CNTLN: variants seen among roughly 807,000 people sequenced by gnomAD.
The protein encoded by CNTLN is centlein, also known as centlein, centrosomal protein.
In CNTLN, 212 loss-of-function variants were observed where a neutral mutation model predicts 180.0. That is an observed-to-expected ratio of 1.18 (90% CI 1.05 to 1.32). The LOEUF (loss-of-function observed/expected upper bound fraction) is 1.32. Ranked by LOEUF, CNTLN falls within the 40% of genes most tolerant of loss-of-function variation. The pLI is 0.00. For synonymous variants in CNTLN, 722 were observed against 563.1 expected (o/e 1.28, Z -3.99); for missense variants, 2,095 against 1,610.9 (o/e 1.30, Z -5.14).
chr9:17,404,533 G>A (rs114975793), intron 15 of CNTLN, among the ~76,000 whole-genome samples: 1,644 of 151,658 alleles, frequency 0.011, 77 homozygotes, highest in African/African-American at 0.038. Flanking sequence ...AAGGAGCTAC[G>A]GTATTAGCCA....
chr9:17,372,538 A>G (rs1208477402), intron 13 of CNTLN, among the ~76,000 whole-genome samples: 6 of 152,136 alleles, frequency 3.9e-5, no homozygotes, highest in Non-Finnish European at 8.8e-5. Flanking sequence ...GCTGAACTCT[A>G]CCAGACATTT....
chr9:17,254,999 C>T (rs1172005027), intron 5 of CNTLN, among the ~76,000 whole-genome samples: 1 of 151,702 alleles, frequency 6.6e-6, no homozygotes, highest in East Asian at 1.9e-4. Context: ...AAGTCTTTCA[C>T]CCCCTTGGCT....
intron 2 of CNTLN, among the ~76,000 whole-genome samples, chr9:17,144,753 G>A (rs1430459910): frequency 4.0e-5 from 6 of 151,452 alleles, no homozygotes; most frequent in Admixed American, 3.3e-4. Context: ...GGAGATTACT[G>A]CTTTATAACT....
At chr9:17,295,204 G>T (rs912785348) in intron 6 of CNTLN, among the ~76,000 whole-genome samples, 1 of 152,012 alleles carries the variant, frequency 6.6e-6, no homozygotes, top group Non-Finnish European at 1.5e-5. Flanking sequence ...TCCCGCCCAC[G>T]CCTGTCCCTC....
Position 17,290,511 on chromosome 9 carries a change from C to T in CNTLN, c.984-7679C>T, listed in dbSNP as rs915260655. Among the ~76,000 whole-genome samples the T allele has an allele frequency of 3.5e-3, 509 of 145,426 alleles. 2 individuals carry two copies. Among genetic ancestry groups the T allele is most frequent in the African/African-American group, 0.011 (449 of 39,502 alleles). ...GGTGGAGCCTACAGAGGCAGGCAGG[C>T]CTCCTTGAGCTGTGGTGGGCTCCAC... On this transcript the variant is annotated intron_variant, in intron 6 of 25. Coordinates refer to ENST00000380647, the MANE Select transcript of CNTLN (RefSeq NM_017738.4).
chr9:17,295,844 A>T (rs1440788078), intron 6 of CNTLN, among the ~76,000 whole-genome samples: 1 of 152,028 alleles, frequency 6.6e-6, no homozygotes, highest in East Asian at 1.9e-4. Context: ...AGTATCCTTC[A>T]ATTCCACTTA....
At chr9:17,513,757 G>C in the CNTLN span, among the ~76,000 whole-genome samples, 1 of 151,724 alleles carries the variant, frequency 6.6e-6, no homozygotes, top group East Asian at 1.9e-4. Context: ...AGAATAGGAG[G>C]AAAGAATTCA....
chr9:17,149,543 G>T (rs9407783), intron 2 of CNTLN, among the ~76,000 whole-genome samples: 1 of 136,986 alleles, frequency 7.3e-6, no homozygotes, highest in Admixed American at 7.4e-5. Context: ...TTAGAGACTG[G>T]GTCTCGCTCT....
At chr9:17,151,318 C>T (rs1433128399) in intron 2 of CNTLN, among the ~76,000 whole-genome samples, 8 of 152,054 alleles carry the variant, frequency 5.3e-5, no homozygotes, top group Non-Finnish European at 8.8e-5. Flanking sequence ...TGAAATATGT[C>T]CCATTGATAC....
In CNTLN at chr9:17,466,034, A is replaced by G. The variant is rs367730493; in HGVS notation, c.3585A>G (p.Leu1195=). 1.2e-5 allele frequency: 19 copies of G among 1,605,942 alleles called. No homozygotes were observed. The African/African-American group carries it at 2.4e-4, about 20-fold the overall frequency. The change falls in exon 22 of 26, where the codon CTA becomes CTG. Residue 1195 remains leucine, a synonymous_variant. Transcript: ENST00000380647. ...ACAAGAAGGTATCAATTGATTCACT[A>G]AAGCAAAGACTTAACGTTGCTGTAA... ...CSNKKVSIDS[L]KQRLNVAVKE... is the part of the protein sequence containing the mutation.
intron 5 of CNTLN, among the ~76,000 whole-genome samples, chr9:17,248,532 AATT>A (rs943086366): frequency 8.7e-5 from 12 of 137,252 alleles, no homozygotes; most frequent in African/African-American, 3.5e-4. Flanking sequence ...AAATATTTAT[AATT>A]ATAAATATAT....
chr9:17,351,654 A>G (rs563465014), intron 12 of CNTLN, among the ~76,000 whole-genome samples: 2 of 152,160 alleles, frequency 1.3e-5, no homozygotes, highest in East Asian at 3.9e-4. Flanking sequence ...CCTCACTGTT[A>G]CGCCCTTATT....
chr9:17,241,388 G>C (rs1432819612), intron 5 of CNTLN, among the ~76,000 whole-genome samples: 1 of 152,102 alleles, frequency 6.6e-6, no homozygotes. Flanking sequence ...ATATTTCTGA[G>C]TTCTCTATTC....
intron 12 of CNTLN, among the ~76,000 whole-genome samples, chr9:17,354,529 T>C (rs7858762): frequency 0.6 from 90,412 of 151,432 alleles, 27,200 homozygotes; most frequent in East Asian, 0.73. Context: ...AGCTCAAGGT[T>C]TGTGAGTGCA....
intron 13 of CNTLN, among the ~76,000 whole-genome samples, chr9:17,387,504 G>A (rs572650115): frequency 6.6e-6 from 1 of 152,056 alleles, no homozygotes; most frequent in Non-Finnish European, 1.5e-5. Context: ...AGGTTGTTAA[G>A]TTACTTGTAG....
intron 18 of CNTLN, among the ~76,000 whole-genome samples, chr9:17,444,924 G>T (rs1034529729): frequency 3.3e-5 from 5 of 152,042 alleles, no homozygotes; most frequent in Non-Finnish European, 5.9e-5. Context: ...TATAGTATAG[G>T]TCAAAACTTT....
At chr9:17,167,825 C>G (rs923671939) in intron 2 of CNTLN, 10 of 152,134 alleles carry the variant, frequency 6.6e-5, no homozygotes, top group Non-Finnish European at 1.3e-4. Context: ...TGTTAAAAAA[C>G]TAGACTAAAA....
chr9:17,299,595 G>T (rs1408473577), intron 7 of CNTLN: 2 of 985,160 alleles, frequency 2.0e-6, no homozygotes, highest in Non-Finnish European at 2.4e-6. Flanking sequence ...TTTTCCCAAG[G>T]ACCTAGATGA....
chr9:17,342,573 G>A (rs1821569500), intron 12 of CNTLN, 129 bp downstream of exon 12: 3 of 784,798 alleles, frequency 3.8e-6, no homozygotes, highest in African/African-American at 1.8e-5. Context: ...TAAAAGTAAA[G>A]AAAAAAAGAC....
Sources: allele counts gnomAD v4.1 joint callset (sites outside exome capture counted in the v4.1 genomes callset), GRCh38; gene constraint gnomAD v4.1.1; transcripts MANE v1.5; gene names NCBI Gene and HGNC (gene_info 2026-07-23, HGNC 2026-07-21).